GALNT14: variants seen among roughly 807,000 people sequenced by gnomAD.
GALNT14 encodes polypeptide N-acetylgalactosaminyltransferase 14.
A neutral mutation model predicts 77.5 loss-of-function variants in GALNT14; 60 were observed. That is an observed-to-expected ratio of 0.77 (90% CI 0.63 to 0.96). The LOEUF is 0.96. GALNT14 is among the 40% of genes least tolerant of loss of function. The pLI is 0.00. For missense variants in GALNT14, 710 were observed against 731.0 expected, an observed-to-expected ratio of 0.97 and a Z score of 0.33; for synonymous variants, 280 against 281.7, an observed-to-expected ratio of 0.99 and a Z score of 0.06.
chr2:30,988,704 T>C (rs968413232), intron 2 of GALNT14, among the ~76,000 whole-genome samples: 1 of 152,128 alleles, frequency 6.6e-6, no homozygotes, highest in African/African-American at 2.4e-5. Context: ...AGGCTGATGC[T>C]CTGTGGTTTC....
At chr2:31,032,865 A>G (rs2148483137) in intron 1 of GALNT14, among the ~76,000 whole-genome samples, 1 of 152,308 alleles carries the variant, frequency 6.6e-6, no homozygotes, top group South Asian at 2.1e-4. Context: ...CTGGAGAAAC[A>G]GCTGGACTCT....
In GALNT14 at chr2:31,038,836, A is replaced by C. The variant is rs1375020220; in HGVS notation, c.130-45829T>G. On this transcript the variant is annotated intron_variant, in intron 1 of 14. Transcript: ENST00000349752. ...TCTCGGCTCACAGCAACCTCTGCCTACTGGGTTCAAGAGATTCTCATGCCT... is the reference window on the plus strand; with the variant it reads ...TCTCGGCTCACAGCAACCTCTGCCTCCTGGGTTCAAGAGATTCTCATGCCT... Among the ~76,000 whole-genome samples the C allele has an allele frequency of 2.7e-5, 4 of 150,644 alleles. No individual in the cohort carries two copies. The East Asian group carries it at 7.9e-4, about 30-fold the overall frequency.
chr2:30,983,424 C>T (rs1295565326), intron 2 of GALNT14, among the ~76,000 whole-genome samples: 1 of 152,102 alleles, frequency 6.6e-6, no homozygotes, highest in Non-Finnish European at 1.5e-5. Flanking sequence ...GTTTTCCATC[C>T]TGGGCATTGA....
chr2:30,919,377 G>A (rs1203186686), intron 13 of GALNT14, among the ~76,000 whole-genome samples: 2 of 152,132 alleles, frequency 1.3e-5, no homozygotes, highest in African/African-American at 4.8e-5. Context: ...TAGGACTGGG[G>A]GTGGAGCAGC....
At chr2:31,050,411 G>A (rs915256810) in intron 1 of GALNT14, among the ~76,000 whole-genome samples, 5 of 152,118 alleles carry the variant, frequency 3.3e-5, no homozygotes, top group Admixed American at 6.5e-5. Context: ...AGCAGCTTCC[G>A]GTCAGTGTCA....
chr2:30,892,998 C>T, the GALNT14 span, among the ~76,000 whole-genome samples: 5 of 152,130 alleles, frequency 3.3e-5, no homozygotes, highest in South Asian at 1.0e-3. Context: ...AATGTTATAC[C>T]TTTATAAAAT....
chr2:30,923,109 C>T (rs192664511), intron 13 of GALNT14, among the ~76,000 whole-genome samples: 117 of 133,252 alleles, frequency 8.8e-4, no homozygotes, highest in East Asian at 7.1e-3. Context: ...GTTGCCTGGG[C>T]TGGAGTGCAA....
At chr2:31,089,262 T>G (rs1296808384) in intron 1 of GALNT14, among the ~76,000 whole-genome samples, 1 of 152,186 alleles carries the variant, frequency 6.6e-6, no homozygotes, top group African/African-American at 2.4e-5. Context: ...TAGGCATGCT[T>G]TCCCTTCTGC....
At chr2:31,128,291 CA>C (rs1678796466) in intron 1 of GALNT14, among the ~76,000 whole-genome samples, 1 of 152,070 alleles carries the variant, frequency 6.6e-6, no homozygotes, top group Non-Finnish European at 1.5e-5. Flanking sequence ...ACCAGCAAGA[CA>C]TGGCAGGGTG....
chr2:31,082,968 A>C (rs557789179), intron 1 of GALNT14, among the ~76,000 whole-genome samples: 2 of 152,318 alleles, frequency 1.3e-5, no homozygotes, highest in African/African-American at 2.4e-5. Flanking sequence ...CAGTGAGCTG[A>C]GATTGCACCA....
At chr2:30,928,347 A>G (rs546748980) in intron 11 of GALNT14, among the ~76,000 whole-genome samples, 107 of 152,320 alleles carry the variant, frequency 7.0e-4, no homozygotes, top group African/African-American at 2.5e-3. Flanking sequence ...AACATAAATG[A>G]TAGCATTAGT....
intron 6 of GALNT14, among the ~76,000 whole-genome samples, chr2:30,947,402 C>G (rs74600607): frequency 0.055 from 8,410 of 152,236 alleles, 805 homozygotes; most frequent in African/African-American, 0.19. Context: ...CAAAATCATG[C>G]AGGAAACATT....
At chr2:30,896,655 G>A in the GALNT14 span, among the ~76,000 whole-genome samples, 2 of 152,292 alleles carry the variant, frequency 1.3e-5, no homozygotes, top group African/African-American at 2.4e-5. Flanking sequence ...TTGTGTGTGT[G>A]TGTTTTGCAA....
chr2:30,889,641 G>A, the GALNT14 span, among the ~76,000 whole-genome samples: 464 of 152,316 alleles, frequency 3.0e-3, 2 homozygotes, highest in Admixed American at 4.8e-3. Flanking sequence ...TTATGCCAGC[G>A]AGTGGCAGAC....
intron 1 of GALNT14, among the ~76,000 whole-genome samples, chr2:31,063,707 C>T (rs11689013): frequency 0.028 from 4,279 of 152,156 alleles, 177 homozygotes; most frequent in East Asian, 0.22. Flanking sequence ...GAATGTTTTT[C>T]CGTTTGTTTG....
chr2:31,088,508 G>T (rs1290839261), intron 1 of GALNT14, among the ~76,000 whole-genome samples: 1 of 152,158 alleles, frequency 6.6e-6, no homozygotes, highest in Non-Finnish European at 1.5e-5. Flanking sequence ...GCCTCTGGAT[G>T]AAGGAGAATG....
chr2:31,056,058 T>G (rs1439388056), intron 1 of GALNT14, among the ~76,000 whole-genome samples: 1 of 152,222 alleles, frequency 6.6e-6, no homozygotes, highest in East Asian at 1.9e-4. Flanking sequence ...ACAGCAGTGG[T>G]TCTGGTTCTC....
intron 1 of GALNT14, among the ~76,000 whole-genome samples, chr2:31,049,603 G>T (rs957115996): frequency 6.6e-6 from 1 of 152,198 alleles, no homozygotes; most frequent in Non-Finnish European, 1.5e-5. Flanking sequence ...CAGAGGTTGG[G>T]GGAGATGTCA....
At chr2:31,024,551 C>T (rs554547364) in intron 1 of GALNT14, among the ~76,000 whole-genome samples, 1 of 152,294 alleles carries the variant, frequency 6.6e-6, no homozygotes, top group Non-Finnish European at 1.5e-5. Flanking sequence ...TTCTGCATGG[C>T]TCACTCCCTC....
Sources: allele counts gnomAD v4.1 joint callset (sites outside exome capture counted in the v4.1 genomes callset), GRCh38; gene constraint gnomAD v4.1.1; transcripts MANE v1.5; gene names NCBI Gene and HGNC (gene_info 2026-07-23, HGNC 2026-07-21).